Variants in NFKB1 observed in about 807,000 individuals in gnomAD.
The protein encoded by NFKB1 is nuclear factor NF-kappa-B p105 subunit.
NFKB1 carries 9 observed loss-of-function variants against 105.1 expected under a neutral mutation model. The observed-to-expected ratio is 0.09, with a 90% confidence interval of 0.05 to 0.15. The LOEUF (loss-of-function observed/expected upper bound fraction) is 0.15. NFKB1 is among the 10% of genes least tolerant of loss of function. NFKB1 has a pLI of 1.00. For missense variants in NFKB1, 830 were observed against 1,203.7 expected, an observed-to-expected ratio of 0.69 and a Z score of 4.59; for synonymous variants, 440 against 442.2, an observed-to-expected ratio of 1.00 and a Z score of 0.06.
intron 3 of NFKB1, among the ~76,000 whole-genome samples, chr4:102,530,358 T>TATAAA (rs1208695316): frequency 1.3e-5 from 2 of 152,142 alleles, no homozygotes; most frequent in Non-Finnish European, 2.9e-5. Flanking sequence ...AAATCATCTT[T>TATAAA]ATAAAAGCTT....
chr4:102,535,898 T>G (rs1223257485), intron 4 of NFKB1, among the ~76,000 whole-genome samples: 2 of 95,684 alleles, frequency 2.1e-5, no homozygotes, highest in Admixed American at 9.0e-5. Flanking sequence ...GTTTTTTTTG[T>G]TTTTTTTTTT....
rs766773037 is a variant in NFKB1, at chr4:102,613,574, G to T, written c.2742G>T (p.Gln914His). Residue 914 changes from glutamine to histidine, a missense_variant, in exon 23 of 24, where the codon CAG becomes CAT. Gln to His is a conservative substitution (Grantham distance 24). Around this residue, in one of 8 missense-constraint regions of NFKB1, gnomAD observed 418 missense variants for 575.3 expected, o/e 0.73. Coordinates refer to ENST00000226574, the MANE Select transcript of NFKB1 (RefSeq NM_003998.4). Reference protein sequence around the residue: ...SLPLSPASTRQQIDELRDSDS... With the variant: ...SLPLSPASTRHQIDELRDSDS... ...CTCTCTCGCCTGCCTCCACAAGGCA[G>T]CAAATAGGTAAAAAAAAAGACAAAA... 1.9e-6 allele frequency: 3 copies of T among 1,611,344 alleles called. No homozygotes were observed. Among genetic ancestry groups the T allele is most frequent in the South Asian group, 2.2e-5 (2 of 90,858 alleles).
rs372984368 is a variant in NFKB1 at position 102,515,356 on chromosome 4, C to T, written c.-7-10156C>T. On this transcript the variant is annotated intron_variant, in intron 1 of 23. Transcript: ENST00000226574. ...CGATCTCCTGACCTCGTGATCCGCCCGCCTCGGCCTCCCAAAGTGCTGGGA... is the reference window on the plus strand; with the variant it reads ...CGATCTCCTGACCTCGTGATCCGCCTGCCTCGGCCTCCCAAAGTGCTGGGA... Among the ~76,000 whole-genome samples the T allele has an allele frequency of 5.8e-3, 884 of 151,552 alleles. 6 individuals carry two copies. Among genetic ancestry groups the T allele is most frequent in the African/African-American group, 0.019 (798 of 41,354 alleles).
intron 6 of NFKB1, among the ~76,000 whole-genome samples, chr4:102,573,794 G>A (rs1358508189): frequency 1.3e-5 from 2 of 151,442 alleles, no homozygotes; most frequent in East Asian, 1.9e-4. Context: ...CAATATTTTT[G>A]TCTGTAGTGT....
chr4:102,603,965 T>C (rs568258373), intron 16 of NFKB1, among the ~76,000 whole-genome samples: 31 of 152,354 alleles, frequency 2.0e-4, no homozygotes, highest in African/African-American at 7.2e-4. Context: ...GTGTTTGGTA[T>C]GGATTGTTTT....
intron 23 of NFKB1, among the ~76,000 whole-genome samples, chr4:102,615,811 A>G (rs546471456): frequency 6.6e-6 from 1 of 152,370 alleles, no homozygotes; most frequent in Admixed American, 6.5e-5. Context: ...TAGCATTTTG[A>G]TTAGTGTATG....
At chr4:102,565,599 A>G (rs1578769404) in intron 5 of NFKB1, among the ~76,000 whole-genome samples, 1 of 152,156 alleles carries the variant, frequency 6.6e-6, no homozygotes, top group Admixed American at 6.5e-5. Flanking sequence ...TGGCAGGTTT[A>G]GGGTCTTCCT....
chr4:102,554,434 A>C (rs1417487837), intron 5 of NFKB1, among the ~76,000 whole-genome samples: 2 of 152,200 alleles, frequency 1.3e-5, no homozygotes, highest in East Asian at 3.9e-4. Flanking sequence ...AATTTTGAAC[A>C]TTCTCAAAAT....
chr4:102,551,373 C>CGCGCGT (rs1553931311), intron 5 of NFKB1, among the ~76,000 whole-genome samples: 6 of 144,362 alleles, frequency 4.2e-5, no homozygotes, highest in East Asian at 2.0e-4. Context: ...TGTGTGCGCG[C>CGCGCGT]GCGCATGTGT....
At chr4:102,575,299 G>T (rs760185188) in intron 6 of NFKB1, among the ~76,000 whole-genome samples, 5 of 152,016 alleles carry the variant, frequency 3.3e-5, no homozygotes, top group African/African-American at 7.2e-5. Context: ...TTCTGTCTCT[G>T]GGCCTCTGGT....
Position 102,616,298 on chromosome 4 carries a change from A to AT in NFKB1, c.2750-136_2750-135insT. ...TTCTGCCCTTCCCACCACGGTGAGC[A>AT]GTCATGACAGTGAGGGTGGCATAGG... On this transcript the variant is annotated intron_variant, in intron 23 of 23. Coordinates refer to ENST00000226574, the MANE Select transcript of NFKB1 (RefSeq NM_003998.4). 4.8e-6 allele frequency: 4 copies of AT among 832,030 alleles called. No individual in the cohort carries two copies. The South Asian group carries it at 6.7e-5, about 14-fold the overall frequency. The allele number at this position is 832,030 out of a possible 1,614,324, so 51.5% of individuals were successfully genotyped here.
At chr4:102,576,295 C>A (rs1174558732) in intron 6 of NFKB1, among the ~76,000 whole-genome samples, 1 of 152,194 alleles carries the variant, frequency 6.6e-6, no homozygotes, top group East Asian at 1.9e-4. Flanking sequence ...AAGGACAATT[C>A]AAAAGGAAAA....
intron 1 of NFKB1, among the ~76,000 whole-genome samples, chr4:102,509,838 T>G (rs1739661143): frequency 6.6e-6 from 1 of 152,172 alleles, no homozygotes; most frequent in Non-Finnish European, 1.5e-5. Flanking sequence ...ATTTTTGCAT[T>G]GTCTCCTGCT....
intron 6 of NFKB1, among the ~76,000 whole-genome samples, chr4:102,572,536 C>T (rs770375211): frequency 3.5e-4 from 54 of 152,298 alleles, no homozygotes; most frequent in Non-Finnish European, 1.3e-4. Flanking sequence ...CACCACACTG[C>T]TTCCACAGTG....
At chr4:102,524,894 T>C (rs1457372157) in intron 1 of NFKB1, among the ~76,000 whole-genome samples, 1 of 152,174 alleles carries the variant, frequency 6.6e-6, no homozygotes, top group Non-Finnish European at 1.5e-5. Flanking sequence ...GGAGCAGCTG[T>C]ATATACAGAT....
At chr4:102,538,832 C>T (rs1322422006) in intron 5 of NFKB1, among the ~76,000 whole-genome samples, 1 of 152,132 alleles carries the variant, frequency 6.6e-6, no homozygotes, top group Non-Finnish European at 1.5e-5. Context: ...ATAGTTCTCA[C>T]TATGTGTGTG....
At chr4:102,584,640 A>T in intron 10 of NFKB1, 42 bp from the exon 11 acceptor site, 1 of 1,518,932 alleles carries the variant, frequency 6.6e-7, no homozygotes, top group South Asian at 1.3e-5. Context: ...AAAAAAAAAA[A>T]ATGTAGTCCT....
At chr4:102,533,232 A>C (rs1264868270) in intron 3 of NFKB1, among the ~76,000 whole-genome samples, 4 of 152,156 alleles carry the variant, frequency 2.6e-5, no homozygotes, top group Non-Finnish European at 4.4e-5. Context: ...TCGGGGAGGA[A>C]AGGGGAAACA....
intron 13 of NFKB1, 22 bp from the exon 14 acceptor site, chr4:102,596,115 TG>T: frequency 6.7e-7 from 1 of 1,483,998 alleles, no homozygotes; most frequent in Non-Finnish European, 9.1e-7. Context: ...GAGAAAAATC[TG>T]ATGTTTTTGC....
Sources: gnomAD v4.1 joint callset for allele counts (sites outside exome capture counted in the v4.1 genomes callset) on GRCh38, gnomAD v4.1.1 for gene constraint, gnomAD v4.1.1 regional missense constraint, MANE v1.5 for transcripts, NCBI Gene and HGNC (gene_info 2026-07-23, HGNC 2026-07-21) for gene names.